CTNND2: variants seen among roughly 807,000 people sequenced by gnomAD.
CTNND2 encodes the protein catenin delta 2, also known as catenin delta-2.
In CTNND2, 22 loss-of-function variants were observed where a neutral mutation model predicts 144.4. The observed-to-expected ratio is 0.15, with a 90% CI of 0.11 to 0.22. The LOEUF is 0.22. CTNND2 is among the 10% of genes least tolerant of loss of function. The pLI, the probability that CTNND2 is intolerant of heterozygous loss-of-function variation, is 1.00. For missense variants in CTNND2, 1,353 were observed against 1,618.8 expected (o/e 0.84, Z 2.82); for synonymous variants, 751 against 695.6 (o/e 1.08, Z -1.25).
chr5:11,300,454 G>T (rs1423721095), intron 9 of CTNND2, among the ~76,000 whole-genome samples: 1 of 152,024 alleles, frequency 6.6e-6, no homozygotes, highest in East Asian at 1.9e-4. Context: ...TTCCTTGTCA[G>T]GGCTCCTTGT....
At chr5:11,814,670 A>G (rs951242520) in intron 1 of CTNND2, among the ~76,000 whole-genome samples, 1 of 152,202 alleles carries the variant, frequency 6.6e-6, no homozygotes, top group African/African-American at 2.4e-5. Flanking sequence ...TTTTTAATGG[A>G]CAAATATCAA....
chr5:11,424,423 T>C (rs1418350287), intron 3 of CTNND2, among the ~76,000 whole-genome samples: 1 of 152,124 alleles, frequency 6.6e-6, no homozygotes, highest in Non-Finnish European at 1.5e-5. Context: ...TTCATACAGC[T>C]ACTGACATGA....
intron 9 of CTNND2, among the ~76,000 whole-genome samples, chr5:11,280,926 G>A (rs892843475): frequency 5.3e-5 from 8 of 152,108 alleles, no homozygotes; most frequent in South Asian, 2.1e-4. Context: ...AAGGAGTGTG[G>A]GTGGTGTACG....
intron 1 of CTNND2, among the ~76,000 whole-genome samples, chr5:11,766,239 G>A (rs999874615): frequency 1.3e-5 from 2 of 152,204 alleles, no homozygotes; most frequent in African/African-American, 4.8e-5. Flanking sequence ...ATTCCATAGG[G>A]ATAATAATGC....
chr5:11,433,543 T>C (rs1763492304), intron 3 of CTNND2, among the ~76,000 whole-genome samples: 1 of 152,208 alleles, frequency 6.6e-6, no homozygotes, highest in African/African-American at 2.4e-5. Context: ...TGGTGTCTGC[T>C]TCTGGGGAGG....
intron 1 of CTNND2, among the ~76,000 whole-genome samples, chr5:11,803,569 G>C (rs971192544): frequency 1.3e-5 from 2 of 152,166 alleles, no homozygotes; most frequent in African/African-American, 2.4e-5. Context: ...GAGAAAAAGA[G>C]TCACTGAATG....
intron 2 of CTNND2, among the ~76,000 whole-genome samples, chr5:11,601,524 T>C (rs1460549436): frequency 6.6e-6 from 1 of 152,150 alleles, no homozygotes; most frequent in East Asian, 1.9e-4. Context: ...TTAATCATTT[T>C]AAATTTATTC....
chr5:10,996,720 T>C (rs956028841), intron 18 of CTNND2, among the ~76,000 whole-genome samples: 1 of 152,154 alleles, frequency 6.6e-6, no homozygotes, highest in African/African-American at 2.4e-5. Context: ...TGCCTCAGCC[T>C]CCCAAATATC....
intron 1 of CTNND2, among the ~76,000 whole-genome samples, chr5:11,876,591 C>T (rs1389862722): frequency 6.6e-6 from 1 of 152,028 alleles, no homozygotes. Context: ...GATTACTTTG[C>T]AAGGGAAATA....
intron 10 of CTNND2, among the ~76,000 whole-genome samples, chr5:11,208,297 G>T (rs1252911978): frequency 6.6e-6 from 1 of 152,082 alleles, no homozygotes; most frequent in African/African-American, 2.4e-5. Context: ...AAATATTTAA[G>T]CAGTTCAAAT....
Position 11,870,238 on chromosome 5 carries a change from T to C in CTNND2, c.37+33579A>G, listed in dbSNP as rs558762224. On this transcript the variant is annotated intron_variant, in intron 1 of 21. Coordinates refer to ENST00000304623, the MANE Select transcript of CTNND2 (RefSeq NM_001332.4). ...CATTTGGCAATCCCTAGAGACATTA[T>C]TGGTTGTTACAGCTGGGTGGTGGAG... is the stretch of plus-strand genomic sequence containing the variant. 6.6e-5 allele frequency among the ~76,000 whole-genome samples: 10 copies of C among 152,318 alleles called. No homozygotes were observed. The South Asian group carries it at 1.9e-3, about 28-fold the overall frequency.
chr5:11,903,329 C>A lies in CTNND2; in HGVS notation c.37+488G>T. The A allele has an allele frequency of 4.1e-6, 4 of 986,052 alleles. No individual in the cohort carries two copies. The highest frequency in any genetic ancestry group is 4.8e-6 in the Non-Finnish European group (4 of 830,434). The allele number at this position is 986,052 out of a possible 1,614,324, so 61.1% of individuals were successfully genotyped here. A position where few individuals can be genotyped will look rare whatever the true frequency, so the allele number is the denominator to read the frequency against. On this transcript the variant is annotated intron_variant, in intron 1 of 21. Transcript: ENST00000304623. This position sits in a 1 kb window ranked among gnomAD's most constrained non-coding sequence, Gnocchi z 5.4. ...GGCAAGCCGCGGGAGCCTGAAGACA[C>A]GGCCATGGACGCATATGACTAAGTC...
rs1012074 is a variant in CTNND2, at chr5:10,976,697, T to C, written c.3418-2984A>G. On this transcript the variant is annotated intron_variant, in intron 21 of 21. Coordinates refer to ENST00000304623, the MANE Select transcript of CTNND2 (RefSeq NM_001332.4). Reference sequence around the variant, plus strand: ...CTCTAAATTATGAAGGATAGTGTCATGACACCTTCCAACTCTGTTAGCATA... The same window carrying C: ...CTCTAAATTATGAAGGATAGTGTCACGACACCTTCCAACTCTGTTAGCATA... Among the ~76,000 whole-genome samples the C allele has an allele frequency of 5.4e-3, 822 of 152,356 alleles. 11 individuals carry two copies. Among genetic ancestry groups the C allele is most frequent in the Non-Finnish European group, 8.0e-3 (545 of 68,024 alleles).
intron 10 of CTNND2, among the ~76,000 whole-genome samples, chr5:11,221,880 C>T (rs1319407775): frequency 6.6e-6 from 1 of 152,178 alleles, no homozygotes; most frequent in Non-Finnish European, 1.5e-5. Context: ...ACTTCCCCTA[C>T]AGACTAAAGC....
chr5:11,224,177 T>C (rs552315335), intron 10 of CTNND2, among the ~76,000 whole-genome samples: 2 of 152,300 alleles, frequency 1.3e-5, no homozygotes, highest in Non-Finnish European at 2.9e-5. Context: ...TTAGCAATAT[T>C]GCCTTCTTAT....
At chr5:11,247,662 G>C (rs1743139193) in intron 9 of CTNND2, among the ~76,000 whole-genome samples, 1 of 152,204 alleles carries the variant, frequency 6.6e-6, no homozygotes, top group Admixed American at 6.5e-5. Context: ...AGTTAGGGGT[G>C]AGGAATGATG....
chr5:10,978,657 C>A (rs776988128), intron 21 of CTNND2, among the ~76,000 whole-genome samples: 1 of 152,210 alleles, frequency 6.6e-6, no homozygotes, highest in East Asian at 1.9e-4. Context: ...GGCTTGCCTG[C>A]AATGCCTCGG....
At chr5:11,324,028 C>T (rs1364938909) in intron 9 of CTNND2, among the ~76,000 whole-genome samples, 4 of 152,118 alleles carry the variant, frequency 2.6e-5, no homozygotes, top group African/African-American at 9.7e-5. Context: ...TCGATGGACA[C>T]TCAATCCAGA....
intron 13 of CTNND2, among the ~76,000 whole-genome samples, chr5:11,111,454 G>C (rs1411487896): frequency 6.6e-6 from 1 of 152,112 alleles, no homozygotes; most frequent in Non-Finnish European, 1.5e-5. Context: ...CAGCTCTGGT[G>C]GGGGGCATAT....
Sources: gnomAD v4.1 joint callset for allele counts (sites outside exome capture counted in the v4.1 genomes callset) on GRCh38, gnomAD v4.1.1 for gene constraint, Gnocchi (gnomAD v3.1) non-coding constraint, MANE v1.5 for transcripts, NCBI Gene and HGNC (gene_info 2026-07-23, HGNC 2026-07-21) for gene names.